The following SNCAIP variants were observed in gnomAD, a reference collection of about 807,000 sequenced individuals.
The protein encoded by SNCAIP is synuclein alpha interacting protein.
In SNCAIP, 43 loss-of-function variants were observed where a neutral mutation model predicts 86.7. The observed-to-expected ratio is 0.50, with a 90% CI of 0.39 to 0.64. The LOEUF (loss-of-function observed/expected upper bound fraction) is 0.64, where lower values mean the gene tolerates loss of function less well. Ranked by LOEUF, SNCAIP falls within the 30% of genes least tolerant of loss-of-function variation. The pLI, the probability that SNCAIP is intolerant of heterozygous loss-of-function variation, is 0.00. For missense variants in SNCAIP, 981 were observed against 1,103.1 expected (o/e 0.89, Z 1.57); for synonymous variants, 417 against 427.2 (o/e 0.98, Z 0.29).
chr5:122,412,562 AC>A (rs1240257003), intron 3 of SNCAIP, among the ~76,000 whole-genome samples: 1 of 151,814 alleles, frequency 6.6e-6, no homozygotes, highest in Non-Finnish European at 1.5e-5. Context: ...TCCCAATTTG[AC>A]CTTTCAATAG....
At chr5:122,460,376 T>C (rs1054621721) in intron 10 of SNCAIP, among the ~76,000 whole-genome samples, 1 of 152,196 alleles carries the variant, frequency 6.6e-6, no homozygotes, top group Non-Finnish European at 1.5e-5. Context: ...ATAGTAATGA[T>C]GGCAATAAAT....
intron 5 of SNCAIP, among the ~76,000 whole-genome samples, chr5:122,431,494 A>C (rs1417989854): frequency 6.6e-6 from 1 of 152,172 alleles, no homozygotes; most frequent in Non-Finnish European, 1.5e-5. Flanking sequence ...AGCCAGACAC[A>C]AGAGTATATA....
intron 3 of SNCAIP, among the ~76,000 whole-genome samples, chr5:122,409,297 A>C (rs979896802): frequency 2.6e-5 from 4 of 152,236 alleles, no homozygotes; most frequent in African/African-American, 9.6e-5. Flanking sequence ...ATTGATTTAG[A>C]GTTTTTAAAA....
intron 9 of SNCAIP, 103 bp from the exon 10 acceptor site, chr5:122,450,430 T>C (rs2152999889): frequency 1.2e-6 from 1 of 839,300 alleles, no homozygotes; most frequent in East Asian, 2.4e-5. Context: ...TATTCTGTTC[T>C]TATTTACTTA....
chr5:122,378,414 G>A (rs1175820399), intron 1 of SNCAIP, among the ~76,000 whole-genome samples: 2 of 135,692 alleles, frequency 1.5e-5, no homozygotes, highest in Admixed American at 1.4e-4. Context: ...AAATTTGTTT[G>A]AGTTCATTGT....
chr5:122,407,428 G>A (rs1773240063), intron 3 of SNCAIP, among the ~76,000 whole-genome samples: 1 of 152,184 alleles, frequency 6.6e-6, no homozygotes, highest in Non-Finnish European at 1.5e-5. Flanking sequence ...GATGATCAGG[G>A]TCAGACTCCT....
Position 122,391,178 on chromosome 5 carries a change from G to C in SNCAIP, c.44G>C (p.Ser15Thr). ...CTTGATTTGGATGAAATTGACTTTA[G>C]TGATGACATATCTGTAAGTACCACT... ...EYLDLDEIDF[S>T]DDISYSVTSL... Residue 15 changes from serine to threonine, a missense_variant, in exon 2 of 11, where the codon AGT becomes ACT. Coordinates refer to ENST00000261368, the MANE Select transcript of SNCAIP (RefSeq NM_005460.4). The C allele has an allele frequency of 6.2e-7, 1 of 1,608,312 alleles. No individual in the cohort carries two copies.
chr5:122,370,379 T>C (rs1364822724), intron 1 of SNCAIP, among the ~76,000 whole-genome samples: 1 of 151,744 alleles, frequency 6.6e-6, no homozygotes, highest in Non-Finnish European at 1.5e-5. Context: ...TTATATTTCT[T>C]ATACATGTAT....
chr5:122,319,547 G>C (rs1752515563), intron 1 of SNCAIP, among the ~76,000 whole-genome samples: 1 of 152,172 alleles, frequency 6.6e-6, no homozygotes, highest in Non-Finnish European at 1.5e-5. Flanking sequence ...AGAGTCTTAA[G>C]AGCATCATAT....
In SNCAIP at chr5:122,322,912, C is replaced by T. The variant is rs376151057; in HGVS notation, c.-47+10628C>T. On this transcript the variant is annotated intron_variant, in intron 1 of 10. Coordinates refer to ENST00000261368, the MANE Select transcript of SNCAIP (RefSeq NM_005460.4). ...CATTTGGGATTCTTAAAAAAGAATT[C>T]GTGCCTCTTTGCAACTAAAATATAT... 2.0e-4 allele frequency among the ~76,000 whole-genome samples: 30 copies of T among 152,256 alleles called. No individual in the cohort carries two copies. In the East Asian group the frequency reaches 2.7e-3, roughly 14 times the overall value.
At chr5:122,316,893 G>C (rs79346255) in intron 1 of SNCAIP, among the ~76,000 whole-genome samples, 1,654 of 152,280 alleles carry the variant, frequency 0.011, 29 homozygotes, top group African/African-American at 0.037. Context: ...CAATTAGTCT[G>C]AACAGCATAC....
intron 1 of SNCAIP, among the ~76,000 whole-genome samples, chr5:122,353,366 T>G (rs1228987119): frequency 6.6e-6 from 1 of 151,218 alleles, no homozygotes; most frequent in Non-Finnish European, 1.5e-5. Context: ...TTGTGAAAAA[T>G]TCATCGTTAT....
Position 122,328,989 on chromosome 5 carries a change from G to C in SNCAIP, c.-47+16705G>C, listed in dbSNP as rs569430137. Among the ~76,000 whole-genome samples, 4 of 152,236 alleles carry C rather than the reference G, an allele frequency of 2.6e-5. No homozygotes were observed. In the South Asian group the frequency reaches 8.3e-4, roughly 32 times the overall value. On this transcript the variant is annotated intron_variant, in intron 1 of 10. Coordinates refer to ENST00000261368, the MANE Select transcript of SNCAIP (RefSeq NM_005460.4). ...TCTCTTAACCTCTGCCGTTACTCAA[G>C]TTGGGGTAAAGTGTTTCCACAATTG...
chr5:122,387,319 C>T (rs951164236), intron 1 of SNCAIP, among the ~76,000 whole-genome samples: 4 of 151,956 alleles, frequency 2.6e-5, no homozygotes, highest in South Asian at 4.2e-4. Context: ...CCACCACGCC[C>T]GGCTAATGTT....
chr5:122,442,119 T>TTC (rs1402887857), intron 7 of SNCAIP, among the ~76,000 whole-genome samples: 1 of 147,120 alleles, frequency 6.8e-6, no homozygotes, highest in Non-Finnish European at 1.5e-5. Flanking sequence ...ACTCTTTTTT[T>TTC]TTTTTTTTTT....
At chr5:122,406,661 T>C (rs570854993) in intron 3 of SNCAIP, among the ~76,000 whole-genome samples, 23 of 152,256 alleles carry the variant, frequency 1.5e-4, no homozygotes, top group African/African-American at 5.3e-4. Context: ...TCCTACTCTG[T>C]CTCTTGCTTC....
At chr5:122,326,956 A>G (rs1328944167) in intron 1 of SNCAIP, among the ~76,000 whole-genome samples, 1 of 151,504 alleles carries the variant, frequency 6.6e-6, no homozygotes, top group Non-Finnish European at 1.5e-5. Flanking sequence ...GTATGTATGT[A>G]TGTATGTATG....
intron 2 of SNCAIP, among the ~76,000 whole-genome samples, chr5:122,393,266 T>C (rs1175619087): frequency 6.6e-6 from 1 of 152,196 alleles, no homozygotes; most frequent in Admixed American, 6.5e-5. Flanking sequence ...TTCATAGTAA[T>C]TGATGAAATA....
At chr5:122,422,001 C>G (rs575074035) in intron 3 of SNCAIP, among the ~76,000 whole-genome samples, 3 of 108,582 alleles carry the variant, frequency 2.8e-5, no homozygotes, top group South Asian at 6.9e-4. Flanking sequence ...AAACTTTGCA[C>G]AGAAATTAGA....
Sources: gnomAD v4.1 joint callset for allele counts (sites outside exome capture counted in the v4.1 genomes callset) on GRCh38, gnomAD v4.1.1 for gene constraint, MANE v1.5 for transcripts, NCBI Gene and HGNC (gene_info 2026-07-23, HGNC 2026-07-21) for gene names.